MGAT4C: variants seen among roughly 807,000 people sequenced by gnomAD.
MGAT4C encodes the protein alpha-1,3-mannosyl-glycoprotein 4-beta-N-acetylglucosaminyltransferase C.
A neutral mutation model predicts 40.1 loss-of-function variants in MGAT4C; 19 were observed. That is an observed-to-expected ratio of 0.47 (90% CI 0.33 to 0.70). MGAT4C has a LOEUF of 0.70. MGAT4C is among the 30% of genes least tolerant of loss of function. MGAT4C has a pLI of 0.02. For missense variants in MGAT4C, 491 were observed against 563.2 expected (o/e 0.87, Z 1.30); for synonymous variants, 181 against 187.1 (o/e 0.97, Z 0.27).
intron 1 of MGAT4C, among the ~76,000 whole-genome samples, chr12:86,065,587 A>C (rs1204692084): frequency 6.6e-6 from 1 of 152,170 alleles, no homozygotes. Context: ...TTTATGACAA[A>C]CTGGCAGTCA....
chr12:86,386,344 G>A (rs375589259), intron 3 of MGAT4C, among the ~76,000 whole-genome samples: 3 of 152,124 alleles, frequency 2.0e-5, no homozygotes, highest in African/African-American at 7.2e-5. Context: ...TAGTGTGTTT[G>A]CTTACCTCCT....
chr12:86,697,843 A>T (rs1950284478), intron 2 of MGAT4C, among the ~76,000 whole-genome samples: 1 of 152,084 alleles, frequency 6.6e-6, no homozygotes, highest in African/African-American at 2.4e-5. Flanking sequence ...TGAAACTCTC[A>T]TTCCTGCCTC....
At chr12:86,405,299 C>G (rs1038442831) in intron 3 of MGAT4C, among the ~76,000 whole-genome samples, 12 of 151,868 alleles carry the variant, frequency 7.9e-5, no homozygotes, top group Admixed American at 5.9e-4. Flanking sequence ...GAGTACAGAA[C>G]AGTCAATAAA....
chr12:86,432,306 A>T (rs1290961357), intron 3 of MGAT4C, among the ~76,000 whole-genome samples: 1 of 152,072 alleles, frequency 6.6e-6, no homozygotes, highest in Non-Finnish European at 1.5e-5. Flanking sequence ...ACACAAAAAA[A>T]CCTTTGAGAT....
chr12:86,519,511 T>C (rs1958755156), intron 2 of MGAT4C, among the ~76,000 whole-genome samples: 1 of 152,170 alleles, frequency 6.6e-6, no homozygotes, highest in Non-Finnish European at 1.5e-5. Flanking sequence ...CTAATTTACA[T>C]TCCTACCAAC....
At chr12:86,495,038 C>T (rs1419227104) in intron 2 of MGAT4C, among the ~76,000 whole-genome samples, 1 of 152,030 alleles carries the variant, frequency 6.6e-6, no homozygotes, top group Admixed American at 6.6e-5. Context: ...ATATGCACAT[C>T]TTATGATCTA....
At chr12:86,214,184 C>T (rs1044499497) in intron 1 of MGAT4C, among the ~76,000 whole-genome samples, 2 of 152,148 alleles carry the variant, frequency 1.3e-5, no homozygotes, top group Non-Finnish European at 2.9e-5. Flanking sequence ...CTTCTCCAGG[C>T]TTGCCCTCAT....
intron 1 of MGAT4C, among the ~76,000 whole-genome samples, chr12:86,181,619 T>A (rs534971702): frequency 2.6e-5 from 4 of 152,166 alleles, no homozygotes; most frequent in Non-Finnish European, 5.9e-5. Flanking sequence ...CAATTCTACA[T>A]CTATCTATCA....
At chr12:86,501,404 AC>A (rs1958338432) in intron 2 of MGAT4C, among the ~76,000 whole-genome samples, 1 of 152,054 alleles carries the variant, frequency 6.6e-6, no homozygotes, top group Non-Finnish European at 1.5e-5. Flanking sequence ...TTAAACGCGT[AC>A]CATGGTGGTT....
chr12:86,167,445 C>G (rs1005897671), intron 1 of MGAT4C, among the ~76,000 whole-genome samples: 1 of 152,154 alleles, frequency 6.6e-6, no homozygotes, highest in Non-Finnish European at 1.5e-5. Flanking sequence ...TAATCTGAAT[C>G]AGTGAATATC....
chr12:86,619,495 T>G (rs958897577), intron 2 of MGAT4C, among the ~76,000 whole-genome samples: 7 of 152,094 alleles, frequency 4.6e-5, no homozygotes, highest in African/African-American at 1.7e-4. Flanking sequence ...TTCACAAATG[T>G]ACTCTCAACA....
intron 2 of MGAT4C, among the ~76,000 whole-genome samples, chr12:86,470,599 G>T (rs1957744573): frequency 6.6e-6 from 1 of 152,056 alleles, no homozygotes; most frequent in Non-Finnish European, 1.5e-5. Flanking sequence ...AACTGATACA[G>T]TGTCTCTATT....
intron 2 of MGAT4C, among the ~76,000 whole-genome samples, chr12:86,478,940 T>G (rs1433932931): frequency 6.6e-6 from 1 of 152,088 alleles, no homozygotes; most frequent in Non-Finnish European, 1.5e-5. Flanking sequence ...GAATAAATTA[T>G]TTAACCTAGT....
rs537868962 is a variant in MGAT4C, at chr12:86,749,960, G to T, written c.-261-22719C>A. ...GCAACTTTGGTCACCTTGAATCTCT[G>T]AAAGAATATCTCGCATATGGTTTGA... On this transcript the variant is annotated intron_variant, in intron 1 of 7. Transcript: ENST00000548651. Among the ~76,000 whole-genome samples, 12 of 151,832 alleles carry T rather than the reference G, an allele frequency of 7.9e-5. No homozygotes were observed. In the South Asian group the frequency reaches 2.5e-3, roughly 31 times the overall value.
At chr12:86,057,782 G>T (rs1893550896) in intron 1 of MGAT4C, among the ~76,000 whole-genome samples, 1 of 152,152 alleles carries the variant, frequency 6.6e-6, no homozygotes, top group African/African-American at 2.4e-5. Context: ...TTTGCTAAAT[G>T]ACTAGTATAA....
At chr12:86,638,306 C>A (rs1963281386) in intron 2 of MGAT4C, among the ~76,000 whole-genome samples, 1 of 151,748 alleles carries the variant, frequency 6.6e-6, no homozygotes, top group Non-Finnish European at 1.5e-5. Flanking sequence ...ATGAGAAAGG[C>A]TTTTAGACAT....
At chr12:86,837,970 TG>T (rs1162755632) in intron 1 of MGAT4C, among the ~76,000 whole-genome samples, 1 of 152,234 alleles carries the variant, frequency 6.6e-6, no homozygotes, top group African/African-American at 2.4e-5. Flanking sequence ...CATTTTGCTT[TG>T]CTAAACATTT....
At chr12:86,190,057 C>T (rs1889202531) in intron 1 of MGAT4C, among the ~76,000 whole-genome samples, 1 of 151,988 alleles carries the variant, frequency 6.6e-6, no homozygotes, top group African/African-American at 2.4e-5. Flanking sequence ...CATTTGATGA[C>T]ACCTTTTCTT....
At chr12:86,563,994 TA>T (rs1220623166) in intron 2 of MGAT4C, among the ~76,000 whole-genome samples, 1 of 152,160 alleles carries the variant, frequency 6.6e-6, no homozygotes, top group African/African-American at 2.4e-5. Flanking sequence ...TGGAATCCAG[TA>T]GAGCTGCCTC....
Sources: gnomAD v4.1 joint callset for allele counts (sites outside exome capture counted in the v4.1 genomes callset) on GRCh38, gnomAD v4.1.1 for gene constraint, MANE v1.5 for transcripts, NCBI Gene and HGNC (gene_info 2026-07-23, HGNC 2026-07-21) for gene names.